Variants in GREB1L observed in about 807,000 individuals in gnomAD.
The protein encoded by GREB1L is GREB1 like retinoic acid receptor coactivator.
In GREB1L, 17 loss-of-function variants were observed where a neutral mutation model predicts 200.8. The observed-to-expected ratio is 0.08, with a 90% confidence interval of 0.06 to 0.13. The LOEUF (loss-of-function observed/expected upper bound fraction) is 0.13. Ranked by LOEUF, GREB1L falls within the 10% of genes least tolerant of loss-of-function variation. GREB1L has a pLI of 1.00. For missense variants in GREB1L, 1,657 were observed against 2,367.7 expected (o/e 0.70, Z 6.23); for synonymous variants, 789 against 893.0 (o/e 0.88, Z 2.08).
At chr18:21,480,952 G>C (rs1029186050) in intron 17 of GREB1L, among the ~76,000 whole-genome samples, 9 of 151,852 alleles carry the variant, frequency 5.9e-5, no homozygotes, top group Non-Finnish European at 1.0e-4. Flanking sequence ...CCTGGGAGGC[G>C]GAGTTTGCAA....
chr18:21,342,215 A>T (rs1027743973), intron 1 of GREB1L, among the ~76,000 whole-genome samples: 45 of 152,294 alleles, frequency 3.0e-4, no homozygotes, highest in African/African-American at 1.1e-3. Context: ...TGTCCACAAC[A>T]AATTTTAATG....
intron 27 of GREB1L, among the ~76,000 whole-genome samples, chr18:21,512,477 T>C (rs1428061744): frequency 6.6e-6 from 1 of 152,186 alleles, no homozygotes; most frequent in Non-Finnish European, 1.5e-5. Flanking sequence ...TGTTCACAGT[T>C]GAGGTATAGA....
intron 7 of GREB1L, among the ~76,000 whole-genome samples, chr18:21,426,967 A>C (rs1284073476): frequency 5.8e-5 from 6 of 103,518 alleles, no homozygotes; most frequent in South Asian, 2.9e-4. Flanking sequence ...TCAAAAAAAA[A>C]AAAAACAAAA....
intron 7 of GREB1L, among the ~76,000 whole-genome samples, chr18:21,437,989 T>G (rs1443877799): frequency 6.6e-6 from 1 of 152,074 alleles, no homozygotes; most frequent in African/African-American, 2.4e-5. Flanking sequence ...AATTGGATGG[T>G]GGGTATGTAG....
chr18:21,438,724 C>T (rs1382276115), intron 7 of GREB1L, among the ~76,000 whole-genome samples: 1 of 150,914 alleles, frequency 6.6e-6, no homozygotes, highest in Non-Finnish European at 1.5e-5. Flanking sequence ...TTTGGGAGGC[C>T]GAGGCGGGCG....
At chr18:21,375,474 C>T (rs1255557185) in intron 2 of GREB1L, among the ~76,000 whole-genome samples, 2 of 152,220 alleles carry the variant, frequency 1.3e-5, no homozygotes, top group Non-Finnish European at 2.9e-5. Flanking sequence ...ATTTCCTTTT[C>T]AGCCTGTCTT....
chr18:21,313,393 T>G (rs1004220088), intron 1 of GREB1L, among the ~76,000 whole-genome samples: 1 of 152,206 alleles, frequency 6.6e-6, no homozygotes, highest in Non-Finnish European at 1.5e-5. Flanking sequence ...AAGCCAATTA[T>G]TGTTATGAGC....
At chr18:21,335,502 G>T (rs1299918838) in intron 1 of GREB1L, among the ~76,000 whole-genome samples, 1 of 151,984 alleles carries the variant, frequency 6.6e-6, no homozygotes, top group African/African-American at 2.4e-5. Flanking sequence ...TTTTTGGAGG[G>T]CTATTTTGTT....
At chr18:21,286,435 G>A (rs2038358532) in intron 1 of GREB1L, among the ~76,000 whole-genome samples, 3 of 152,152 alleles carry the variant, frequency 2.0e-5, no homozygotes, top group Admixed American at 6.5e-5. Context: ...TAATGTTCAT[G>A]TTTAAGATTG....
intron 1 of GREB1L, among the ~76,000 whole-genome samples, chr18:21,243,783 G>A (rs58935211): frequency 0.01 from 1,577 of 152,270 alleles, 32 homozygotes; most frequent in African/African-American, 0.036. Flanking sequence ...TAGTAATACA[G>A]TTACATGCAT....
At chr18:21,298,845 G>GA (rs1309871898) in intron 1 of GREB1L, among the ~76,000 whole-genome samples, 4 of 151,366 alleles carry the variant, frequency 2.6e-5, no homozygotes, top group Admixed American at 1.3e-4. Flanking sequence ...GAGGTAGGGG[G>GA]ATCACTGGAG....
intron 1 of GREB1L, among the ~76,000 whole-genome samples, chr18:21,272,917 A>C (rs980153591): frequency 6.6e-6 from 1 of 152,230 alleles, no homozygotes; most frequent in African/African-American, 2.4e-5. Context: ...TATTTATATA[A>C]TTTTTATAAA....
chr18:21,429,836 A>G (rs554193364), intron 7 of GREB1L, among the ~76,000 whole-genome samples: 39 of 152,238 alleles, frequency 2.6e-4, no homozygotes, highest in East Asian at 7.7e-4. Context: ...TTTGATGGCT[A>G]TATTAGTTTG....
intron 15 of GREB1L, among the ~76,000 whole-genome samples, chr18:21,470,447 C>T (rs1424191427): frequency 1.3e-5 from 2 of 151,962 alleles, no homozygotes; most frequent in Non-Finnish European, 2.9e-5. Context: ...GTCTTACATA[C>T]GTTTTGTAAG....
chr18:21,269,255 A>G (rs1023681173), intron 1 of GREB1L, among the ~76,000 whole-genome samples: 2 of 152,236 alleles, frequency 1.3e-5, no homozygotes, highest in Non-Finnish European at 2.9e-5. Flanking sequence ...AGCCAGGATT[A>G]GAGCATAGGC....
intron 1 of GREB1L, among the ~76,000 whole-genome samples, chr18:21,337,762 A>G (rs2039207666): frequency 2.0e-5 from 3 of 152,106 alleles, no homozygotes; most frequent in Non-Finnish European, 2.9e-5. Context: ...CGAGGCGGGT[A>G]GATCACGGGA....
In GREB1L at chr18:21,490,327, A is replaced by G. The variant is rs764152237; in HGVS notation, c.3006A>G (p.Ala1002=). Residue 1002 remains alanine, a synonymous_variant, in exon 19 of 33, where the codon GCA becomes GCG. Coordinates refer to ENST00000424526, the MANE Select transcript of GREB1L (RefSeq NM_001142966.3). The stretch of plus-strand genomic sequence containing the variant: ...ACCCGGCCACCGAACTCAGTGTTGC[A>G]ACTCACTTTGTGGCGCGATTAAAGG... ...LGNPATELSV[A]THFVARLKSW... 3 of 1,551,604 alleles carry G rather than the reference A, an allele frequency of 1.9e-6. No individual in the cohort carries two copies. The South Asian group carries it at 3.6e-5, about 18-fold the overall frequency.
chr18:21,386,399 C>T (rs1387892920), intron 4 of GREB1L, among the ~76,000 whole-genome samples: 6 of 152,132 alleles, frequency 3.9e-5, no homozygotes, highest in Admixed American at 3.9e-4. Flanking sequence ...TCAAGCAGTT[C>T]TCTGCCTCAG....
intron 1 of GREB1L, among the ~76,000 whole-genome samples, chr18:21,292,629 G>A (rs1304866764): frequency 3.3e-5 from 5 of 152,134 alleles, no homozygotes; most frequent in African/African-American, 7.2e-5. Flanking sequence ...TGTGTCTGGC[G>A]TCTTTCACTT....
Sources: gnomAD v4.1 joint callset for allele counts (sites outside exome capture counted in the v4.1 genomes callset) on GRCh38, gnomAD v4.1.1 for gene constraint, MANE v1.5 for transcripts, NCBI Gene and HGNC (gene_info 2026-07-23, HGNC 2026-07-21) for gene names.